Variants in CNTLN observed in about 807,000 individuals in gnomAD.
The protein encoded by CNTLN is centlein.
CNTLN carries 212 observed loss-of-function variants against 180.0 expected under a neutral mutation model. That is an observed-to-expected ratio of 1.18 (90% confidence interval 1.05 to 1.32). The LOEUF (loss-of-function observed/expected upper bound fraction) is 1.32, where lower values mean the gene tolerates loss of function less well. Among genes scored for constraint, CNTLN ranks in the 40% most tolerant of loss-of-function variants. The pLI is 0.00. For missense variants in CNTLN, 2,095 were observed against 1,610.9 expected, an observed-to-expected ratio of 1.30 and a Z score of -5.14; for synonymous variants, 722 against 563.1, an observed-to-expected ratio of 1.28 and a Z score of -3.99.
intron 8 of CNTLN, among the ~76,000 whole-genome samples, chr9:17,318,032 T>C (rs2133007389): frequency 6.8e-6 from 1 of 147,220 alleles, no homozygotes; most frequent in Admixed American, 6.8e-5. Flanking sequence ...TCTTTTCTTT[T>C]TTTTTTTTTT....
chr9:17,329,474 T>G (rs1820504869), intron 8 of CNTLN, among the ~76,000 whole-genome samples: 1 of 152,098 alleles, frequency 6.6e-6, no homozygotes, highest in Non-Finnish European at 1.5e-5. Context: ...AGTAATATAT[T>G]GTAAGTATGG....
At chr9:17,475,753 G>A (rs1477608219) in intron 23 of CNTLN, among the ~76,000 whole-genome samples, 3 of 151,756 alleles carry the variant, frequency 2.0e-5, no homozygotes, top group African/African-American at 7.3e-5. Flanking sequence ...GGCACCTGTA[G>A]TCCCAGCTAC....
chr9:17,370,317 A>G (rs183022453), intron 13 of CNTLN, among the ~76,000 whole-genome samples: 5 of 152,300 alleles, frequency 3.3e-5, no homozygotes, highest in Admixed American at 3.3e-4. Flanking sequence ...AGAGAAAAGA[A>G]ACAAATAACA....
At chr9:17,277,803 AT>A (rs1828408652) in intron 6 of CNTLN, among the ~76,000 whole-genome samples, 1 of 152,140 alleles carries the variant, frequency 6.6e-6, no homozygotes, top group Non-Finnish European at 1.5e-5. Context: ...AAAAATGTGT[AT>A]TACCTCTATT....
intron 5 of CNTLN, among the ~76,000 whole-genome samples, chr9:17,248,534 T>TAAG (rs1563919380): frequency 5.1e-5 from 7 of 137,936 alleles, no homozygotes; most frequent in Middle Eastern, 3.8e-3. Flanking sequence ...ATATTTATAA[T>TAAG]TATAAATATA....
chr9:17,266,400 A>C (rs1362527993), intron 5 of CNTLN, among the ~76,000 whole-genome samples: 2 of 152,096 alleles, frequency 1.3e-5, no homozygotes, highest in African/African-American at 4.8e-5. Flanking sequence ...GTGGTCTGAG[A>C]GACAGTTTGT....
chr9:17,278,545 T>C (rs1828462999), intron 6 of CNTLN, among the ~76,000 whole-genome samples: 2 of 152,174 alleles, frequency 1.3e-5, no homozygotes, highest in Admixed American at 1.3e-4. Flanking sequence ...TCTTTCATGT[T>C]TCTTGTTACT....
chr9:17,257,650 CTT>C (rs1333856054), intron 5 of CNTLN, among the ~76,000 whole-genome samples: 1 of 151,446 alleles, frequency 6.6e-6, no homozygotes, highest in African/African-American at 2.5e-5. Context: ...TGTTTCCTGA[CTT>C]TTTAATGATC....
chr9:17,464,351 A>C (rs1466292948), intron 20 of CNTLN, 146 bp from the exon 21 acceptor site: 1 of 588,256 alleles, frequency 1.7e-6, no homozygotes, highest in Non-Finnish European at 2.9e-6. Context: ...TATCTTATGC[A>C]GTGCAATTCA....
Position 17,161,102 on chromosome 9 carries a change from C to T in CNTLN, c.449+17726C>T, listed in dbSNP as rs552506060. ...CTGGAAAAAGTTAAAAAAGTTCTCA[C>T]TCTCACTAATTCTAAGTAATTAGAA... is the stretch of plus-strand genomic sequence containing the variant. On this transcript the variant is annotated intron_variant, in intron 2 of 25. Coordinates refer to ENST00000380647, the MANE Select transcript of CNTLN (RefSeq NM_017738.4). Among the ~76,000 whole-genome samples, 3 of 152,152 alleles carry T rather than the reference C, an allele frequency of 2.0e-5. No homozygotes were observed. The East Asian group carries it at 5.8e-4, about 29-fold the overall frequency.
At chr9:17,319,609 A>G (rs1819768281) in intron 8 of CNTLN, among the ~76,000 whole-genome samples, 2 of 152,104 alleles carry the variant, frequency 1.3e-5, no homozygotes, top group Admixed American at 1.3e-4. Context: ...TAATTGTGTG[A>G]CCTTGGGCAA....
intron 7 of CNTLN, among the ~76,000 whole-genome samples, chr9:17,306,721 A>G (rs1475470302): frequency 1.3e-5 from 2 of 152,196 alleles, no homozygotes; most frequent in Non-Finnish European, 2.9e-5. Flanking sequence ...AGTGTCCATG[A>G]GATTCTCAAA....
chr9:17,186,246 A>C (rs1172872972), intron 2 of CNTLN, among the ~76,000 whole-genome samples: 1 of 152,126 alleles, frequency 6.6e-6, no homozygotes, highest in Non-Finnish European at 1.5e-5. Context: ...TCTTTGAATG[A>C]CTGGTAATAG....
intron 13 of CNTLN, among the ~76,000 whole-genome samples, chr9:17,375,433 G>A (rs981574861): frequency 2.0e-5 from 3 of 152,162 alleles, no homozygotes; most frequent in African/African-American, 4.8e-5. Flanking sequence ...TTGAGGTGAT[G>A]GATGCCCCAT....
At chr9:17,350,074 A>C (rs1822234124) in intron 12 of CNTLN, among the ~76,000 whole-genome samples, 1 of 152,252 alleles carries the variant, frequency 6.6e-6, no homozygotes, top group Non-Finnish European at 1.5e-5. Context: ...TACCCATCAC[A>C]GTCCAACATA....
At chr9:17,465,702 T>A (rs1831708312) in intron 21 of CNTLN, among the ~76,000 whole-genome samples, 1 of 151,260 alleles carries the variant, frequency 6.6e-6, no homozygotes. Context: ...TAGTAATTAA[T>A]GGATATGTAG....
intron 5 of CNTLN, among the ~76,000 whole-genome samples, chr9:17,265,524 C>G (rs944473657): frequency 6.6e-6 from 1 of 152,034 alleles, no homozygotes; most frequent in Admixed American, 6.5e-5. Flanking sequence ...GTGTCTCTGC[C>G]AGGCTTTGGT....
At chr9:17,199,651 T>C (rs776880578) in intron 2 of CNTLN, among the ~76,000 whole-genome samples, 1 of 152,188 alleles carries the variant, frequency 6.6e-6, no homozygotes, top group Admixed American at 6.5e-5. Flanking sequence ...TTTTGAGAAG[T>C]GTCTTGTCGT....
intron 18 of CNTLN, among the ~76,000 whole-genome samples, chr9:17,453,172 G>C (rs910948000): frequency 2.0e-5 from 3 of 152,022 alleles, no homozygotes; most frequent in African/African-American, 7.3e-5. Context: ...AATTGGCTGG[G>C]TATGATGGTG....
Sources: allele counts gnomAD v4.1 joint callset (sites outside exome capture counted in the v4.1 genomes callset), GRCh38; gene constraint gnomAD v4.1.1; transcripts MANE v1.5; gene names NCBI Gene and HGNC (gene_info 2026-07-23, HGNC 2026-07-21).